EYS: variants seen among roughly 807,000 people sequenced by gnomAD.
The protein encoded by EYS is protein eyes shut homolog.
A neutral mutation model predicts 282.1 loss-of-function variants in EYS; 250 were observed. The ratio of observed to expected loss-of-function variants is 0.89; its 90% confidence interval spans 0.80 to 0.98. EYS has a LOEUF of 0.98. Ranked by LOEUF, EYS falls within the 50% of genes least tolerant of loss-of-function variation. The pLI is 0.00. For missense variants in EYS, 4,016 were observed against 3,709.0 expected (o/e 1.08, Z -2.15); for synonymous variants, 1,355 against 1,282.9 (o/e 1.06, Z -1.20).
At chr6:65,406,073 C>T (rs1347234825) in intron 5 of EYS, among the ~76,000 whole-genome samples, 1 of 152,018 alleles carries the variant, frequency 6.6e-6, no homozygotes, top group African/African-American at 2.4e-5. Context: ...CACATTCTTG[C>T]CAACATTTGA....
intron 29 of EYS, among the ~76,000 whole-genome samples, chr6:64,329,382 G>T (rs1770554647): frequency 1.3e-5 from 2 of 152,102 alleles, no homozygotes; most frequent in South Asian, 4.1e-4. Flanking sequence ...ACTAGAAGGG[G>T]ACATGACTCT....
chr6:63,832,582 C>T (rs1325802746), intron 36 of EYS, among the ~76,000 whole-genome samples: 5 of 152,074 alleles, frequency 3.3e-5, no homozygotes, highest in Admixed American at 6.6e-5. Flanking sequence ...TAATAGCCTA[C>T]CAACCCAAAA....
intron 31 of EYS, among the ~76,000 whole-genome samples, chr6:64,114,815 G>A (rs1190684537): frequency 1.3e-5 from 2 of 152,094 alleles, no homozygotes; most frequent in East Asian, 1.9e-4. Flanking sequence ...TGCCACTGAC[G>A]TAACCAAGAG....
At chr6:63,878,718 A>G (rs977026108) in intron 35 of EYS, among the ~76,000 whole-genome samples, 1 of 152,130 alleles carries the variant, frequency 6.6e-6, no homozygotes. Flanking sequence ...TCGTAGTTCA[A>G]TCTCAGACTG....
intron 22 of EYS, among the ~76,000 whole-genome samples, chr6:64,808,854 C>G (rs189450005): frequency 3.0e-4 from 46 of 152,068 alleles, no homozygotes; most frequent in African/African-American, 9.9e-4. Context: ...TGAGAAAAAT[C>G]AGCAATGAAC....
chr6:65,567,252 AAT>A (rs59139403), intron 2 of EYS, among the ~76,000 whole-genome samples: 3 of 148,298 alleles, frequency 2.0e-5, no homozygotes, highest in Non-Finnish European at 1.5e-5. Flanking sequence ...GTGTATGAAT[AAT>A]ATATATATAT....
intron 39 of EYS, among the ~76,000 whole-genome samples, chr6:63,782,501 T>G (rs1401445548): frequency 6.6e-6 from 1 of 152,222 alleles, no homozygotes; most frequent in Non-Finnish European, 1.5e-5. Flanking sequence ...GTCCAGGAAT[T>G]TATCCATTTC....
At chr6:64,636,143 G>T (rs1767972224) in intron 22 of EYS, among the ~76,000 whole-genome samples, 1 of 152,112 alleles carries the variant, frequency 6.6e-6, no homozygotes, top group African/African-American at 2.4e-5. Flanking sequence ...TCAATCCTAA[G>T]CCAAAAGAAC....
chr6:65,620,196 G>C lies in EYS; in HGVS notation c.-333+19582C>G, dbSNP rs559187701. On this transcript the variant is annotated intron_variant, in intron 2 of 42. Transcript: ENST00000503581. ...ATCCATCTGGCCCTGGACTCTTTTT[G>C]GTTGGTAAGCTATTGATCATTGCCG... Among the ~76,000 whole-genome samples the C allele has an allele frequency of 7.0e-4, 107 of 152,192 alleles. 1 individual carries two copies. The East Asian group carries it at 0.012, about 17-fold the overall frequency.
intron 26 of EYS, among the ~76,000 whole-genome samples, chr6:64,510,584 G>C: frequency 6.6e-6 from 1 of 152,022 alleles, no homozygotes; most frequent in East Asian, 1.9e-4. Context: ...TATAAAACGT[G>C]ATTTAAAGGT....
intron 30 of EYS, among the ~76,000 whole-genome samples, chr6:64,248,158 G>A (rs1157959376): frequency 1.3e-5 from 2 of 150,518 alleles, no homozygotes; most frequent in Non-Finnish European, 3.0e-5. Flanking sequence ...ATGGAGAATT[G>A]CAAGTGATTT....
chr6:65,060,757 T>C (rs1773548944), intron 12 of EYS, among the ~76,000 whole-genome samples: 2 of 144,718 alleles, frequency 1.4e-5, no homozygotes, highest in South Asian at 4.3e-4. Flanking sequence ...TATATATATG[T>C]GTATATACAT....
At chr6:64,281,592 G>T (rs1768312104) in intron 30 of EYS, among the ~76,000 whole-genome samples, 1 of 152,014 alleles carries the variant, frequency 6.6e-6, no homozygotes, top group African/African-American at 2.4e-5. Context: ...GATAAACATT[G>T]ACTTGACATT....
chr6:65,407,545 T>G (rs1043824838), intron 5 of EYS, among the ~76,000 whole-genome samples: 1 of 152,140 alleles, frequency 6.6e-6, no homozygotes, highest in African/African-American at 2.4e-5. Flanking sequence ...TGAGCCACTA[T>G]GCCCGGCCTT....
rs1272952453 is a variant in EYS, at chr6:65,495,369, A to C, written c.42T>G (p.Phe14Leu). 1.9e-6 allele frequency: 3 copies of C among 1,613,110 alleles called. No individual in the cohort carries two copies. The highest frequency in any genetic ancestry group is 1.6e-4 in the Middle Eastern group (1 of 6,062). ...TTTTTCCATTTATGAAAGAGCTGTG[A>C]AAAACCATCAGGCTCAGAATGACGA... ...KSIVILSLMV[F>L]HSSFINGKTC... The change falls in exon 4 of 43, where the codon TTT (phenylalanine) becomes TTG (leucine). Residue 14 changes from phenylalanine to leucine, a missense_variant. Coordinates refer to ENST00000503581, the MANE Select transcript of EYS (RefSeq NM_001142800.2).
At chr6:65,656,143 C>A (rs905169748) in intron 1 of EYS, among the ~76,000 whole-genome samples, 1 of 151,824 alleles carries the variant, frequency 6.6e-6, no homozygotes, top group Non-Finnish European at 1.5e-5. Flanking sequence ...CTGACTGCTC[C>A]ACCCACTGGC....
intron 31 of EYS, among the ~76,000 whole-genome samples, chr6:64,212,812 A>C (rs1227423215): frequency 6.6e-6 from 1 of 152,190 alleles, no homozygotes; most frequent in Non-Finnish European, 1.5e-5. Context: ...ATGCATGCGT[A>C]TGTTCATTGC....
intron 28 of EYS, among the ~76,000 whole-genome samples, chr6:64,414,445 A>G (rs1422510610): frequency 1.3e-5 from 2 of 152,240 alleles, no homozygotes; most frequent in Non-Finnish European, 1.5e-5. Flanking sequence ...AATATATACT[A>G]TGTTCCAGCA....
intron 22 of EYS, among the ~76,000 whole-genome samples, chr6:64,747,350 G>T: frequency 6.6e-6 from 1 of 151,932 alleles, no homozygotes; most frequent in East Asian, 1.9e-4. Flanking sequence ...TTTTGACCTT[G>T]TAGTTCTGTA....
Sources: gnomAD v4.1 joint callset for allele counts (sites outside exome capture counted in the v4.1 genomes callset) on GRCh38, gnomAD v4.1.1 for gene constraint, MANE v1.5 for transcripts, NCBI Gene and HGNC (gene_info 2026-07-23, HGNC 2026-07-21) for gene names.